Variants in TMEM158 observed in about 807,000 individuals in gnomAD.
TMEM158 encodes transmembrane protein 158, also known as 40 kDa BINP-binding protein.
A neutral mutation model predicts 12.0 loss-of-function variants in TMEM158; 7 were observed. The observed-to-expected ratio is 0.59, with a 90% CI of 0.33 to 1.10. The LOEUF (loss-of-function observed/expected upper bound fraction) is 1.10. TMEM158 is among the 50% of genes least tolerant of loss of function. TMEM158 has a pLI of 0.03. For missense variants in TMEM158, 405 were observed against 454.7 expected, an observed-to-expected ratio of 0.89 and a Z score of 0.99; for synonymous variants, 209 against 231.1, an observed-to-expected ratio of 0.90 and a Z score of 0.87.
In TMEM158 at chr3:45,224,771, T is replaced by C. The variant is rs937187931; in HGVS notation, c.*354A>G. Reference sequence around the variant, plus strand: ...ACTTTCATTTAAAACAGTTATTAAATATATAAAACAAATACACAGGATTTG... The same window carrying C: ...ACTTTCATTTAAAACAGTTATTAAACATATAAAACAAATACACAGGATTTG... On this transcript the variant is annotated 3_prime_UTR_variant, in exon 1 of 1. Transcript: ENST00000503771. 7 of 202,782 alleles carry C rather than the reference T, an allele frequency of 3.5e-5. No individual in the cohort carries two copies. The highest frequency in any genetic ancestry group is 1.6e-4 in the African/African-American group (7 of 43,268). The allele number at this position is 202,782 out of a possible 1,614,324, so 12.6% of individuals were successfully genotyped here.
rs1409742865 is a variant in TMEM158, at chr3:45,224,879, ATT to A, written c.*244_*245del. 5.4e-6 allele frequency: 3 copies of A among 551,634 alleles called. No individual in the cohort carries two copies. The East Asian group carries it at 1.3e-4, about 25-fold the overall frequency. The allele number at this position is 551,634 out of a possible 1,614,324, so 34.2% of individuals were successfully genotyped here. Reference sequence around the variant, plus strand: ...GATGCAATAGAGGGGAAAGGGCCCCATTTCCCTCCTCTCCGTCTTCGGAGCTG... The same window carrying A: ...GATGCAATAGAGGGGAAAGGGCCCCATCCCTCCTCTCCGTCTTCGGAGCTG... On this transcript the variant is annotated 3_prime_UTR_variant, in exon 1 of 1. Coordinates refer to ENST00000503771, the MANE Select transcript of TMEM158 (RefSeq NM_015444.3).
chr3:45,224,613 C>T lies in TMEM158; in HGVS notation c.*512G>A, dbSNP rs564961839. 6.5e-6 allele frequency: 1 copy of T among 152,760 alleles called. No homozygotes were observed. 9.5% of individuals were successfully genotyped at this position (152,760 alleles called of 1,614,324 possible). A position where few individuals can be genotyped will look rare whatever the true frequency, so the allele number is the denominator to read the frequency against. ...ACAATATATCGGTGTTAAATCCTTCCCATGCCCTCCCCCCAATTTTAAATA... is the reference window on the plus strand; with the variant it reads ...ACAATATATCGGTGTTAAATCCTTCTCATGCCCTCCCCCCAATTTTAAATA... On this transcript the variant is annotated 3_prime_UTR_variant, in exon 1 of 1. Coordinates refer to ENST00000503771, the MANE Select transcript of TMEM158 (RefSeq NM_015444.3).
Position 45,225,155 on chromosome 3 carries a change from CGCGGCGGCGGCGGCAGCGGCGGCG to C in TMEM158, c.849_872del (p.Ala285_Ala292del), listed in dbSNP as rs1163593482. 21 of 1,261,880 alleles carry C rather than the reference CGCGGCGGCGGCGGCAGCGGCGGCG, an allele frequency of 1.7e-5. No homozygotes were observed. The highest frequency in any genetic ancestry group is 6.3e-5 in the East Asian group (2 of 31,712). 78.2% of individuals were successfully genotyped at this position (1,261,880 alleles called of 1,614,324 possible). On this transcript the variant is annotated inframe_deletion, in exon 1 of 1. Coordinates refer to ENST00000503771, the MANE Select transcript of TMEM158 (RefSeq NM_015444.3). The surrounding 1 kb of genome is among the most constrained non-coding windows in gnomAD (Gnocchi z 5.7). ...TGGTCGCCACCCCCGAAGTGACGGC[CGCGGCGGCGGCGGCAGCGGCGGCG>C]GCGGCGGCGGCTGCGGTGGTCCCTG...
rs1163593482 is a variant in TMEM158 at position 45,225,155 on chromosome 3, CGCGGCGGCGGCGGCAGCGGCGGCGGCG to C, written c.846_872del (p.Ala284_Ala292del). 12 of 1,261,880 alleles carry C rather than the reference CGCGGCGGCGGCGGCAGCGGCGGCGGCG, an allele frequency of 9.5e-6. No homozygotes were observed. The highest frequency in any genetic ancestry group is 3.8e-5 in the South Asian group (1 of 26,090). The allele number at this position is 1,261,880 out of a possible 1,614,324, so 78.2% of individuals were successfully genotyped here. A position where few individuals can be genotyped will look rare whatever the true frequency, so the allele number is the denominator to read the frequency against. ...TGGTCGCCACCCCCGAAGTGACGGC[CGCGGCGGCGGCGGCAGCGGCGGCGGCG>C]GCGGCGGCTGCGGTGGTCCCTGCGG... is the stretch of plus-strand genomic sequence containing the variant. On this transcript the variant is annotated inframe_deletion, in exon 1 of 1. Transcript: ENST00000503771. The surrounding 1 kb of genome is among the most constrained non-coding windows in gnomAD (Gnocchi z 5.7).
chr3:45,225,081 C>G lies in TMEM158; in HGVS notation c.*44G>C, dbSNP rs1179299100. ...CCGAGTCTCCGGCGGGAAAGGCACC[C>G]GCGCGCGCGGACACAGGACGGACAC... On this transcript the variant is annotated 3_prime_UTR_variant, in exon 1 of 1. Transcript: ENST00000503771. The surrounding 1 kb of genome is among the most constrained non-coding windows in gnomAD (Gnocchi z 5.7). 2 of 1,220,176 alleles carry G rather than the reference C, an allele frequency of 1.6e-6. No individual in the cohort carries two copies. The highest frequency in any genetic ancestry group is 2.0e-6 in the Non-Finnish European group (2 of 979,256). The allele number at this position is 1,220,176 out of a possible 1,614,324, so 75.6% of individuals were successfully genotyped here.
Position 45,224,933 on chromosome 3 carries a change from A to T in TMEM158, c.*192T>A, listed in dbSNP as rs1700138413. The stretch of plus-strand genomic sequence containing the variant: ...GATCCCACCCTCAGTCCAAGGGCTT[A>T]AACATCTGCTTTTCGGAACTGGAAG... On this transcript the variant is annotated 3_prime_UTR_variant, in exon 1 of 1. Coordinates refer to ENST00000503771, the MANE Select transcript of TMEM158 (RefSeq NM_015444.3). The T allele has an allele frequency of 1.0e-6, 1 of 991,144 alleles. No individual in the cohort carries two copies. The highest frequency in any genetic ancestry group is 1.3e-6 in the Non-Finnish European group (1 of 781,168). 61.4% of individuals were successfully genotyped at this position (991,144 alleles called of 1,614,324 possible).
Position 45,225,401 on chromosome 3 carries a change from G to A in TMEM158, c.627C>T (p.Gly209=). ...TACGGTTCAGCCGCCAGCCCGGCTC[G>A]CCCTGCAGCTCCTCCAGGCTGAAGT... is the stretch of plus-strand genomic sequence containing the variant. The part of the protein sequence containing the change: ...CLDFSLEELQ[G]EPGWRLNRKP... The change falls in exon 1 of 1, where the codon GGC becomes GGT. Residue 209 remains glycine, a synonymous_variant. Coordinates refer to ENST00000503771, the MANE Select transcript of TMEM158 (RefSeq NM_015444.3). This position sits in a 1 kb window ranked among gnomAD's most constrained non-coding sequence, Gnocchi z 5.7. 1.4e-6 allele frequency: 2 copies of A among 1,480,242 alleles called. No individual in the cohort carries two copies. The highest frequency in any genetic ancestry group is 1.3e-5 in the South Asian group (1 of 75,632). The allele number at this position is 1,480,242 out of a possible 1,614,324, so 91.7% of individuals were successfully genotyped here. A position where few individuals can be genotyped will look rare whatever the true frequency, so the allele number is the denominator to read the frequency against.
chr3:45,225,230 G>C lies in TMEM158; in HGVS notation c.798C>G (p.Thr266=). 1.5e-6 allele frequency: 2 copies of C among 1,316,870 alleles called. No individual in the cohort carries two copies. The highest frequency in any genetic ancestry group is 2.0e-6 in the Non-Finnish European group (2 of 1,025,178). The allele number at this position is 1,316,870 out of a possible 1,614,324, so 81.6% of individuals were successfully genotyped here. ...MEQRRTTAST[T]AATPAAVPAG... ...CGGGCACTGCGGCGGGGGTGGCTGC[G>C]GTGGTGCTGGCGGTGGTCCGGCGCT... The change falls in exon 1 of 1, where the codon ACC becomes ACG. Residue 266 remains threonine, a synonymous_variant. Transcript: ENST00000503771. The surrounding 1 kb of genome is among the most constrained non-coding windows in gnomAD (Gnocchi z 5.7).
Position 45,225,114 on chromosome 3 carries a change from A to T in TMEM158, c.*11T>A, listed in dbSNP as rs1200232439. ...CGGACACAGGACGGACACAGGGAGG[A>T]GCGGAGCGGGTCACTTGGTCGCCAC... is the stretch of plus-strand genomic sequence containing the variant. On this transcript the variant is annotated 3_prime_UTR_variant, in exon 1 of 1. Transcript: ENST00000503771. The surrounding 1 kb of genome is among the most constrained non-coding windows in gnomAD (Gnocchi z 5.7). The T allele has an allele frequency of 8.0e-7, 1 of 1,251,306 alleles. No individual in the cohort carries two copies. Among genetic ancestry groups the T allele is most frequent in the Non-Finnish European group, 1.0e-6 (1 of 1,003,858 alleles). The allele number at this position is 1,251,306 out of a possible 1,614,324, so 77.5% of individuals were successfully genotyped here.
chr3:45,225,234 G>A lies in TMEM158; in HGVS notation c.794C>T (p.Thr265Ile), dbSNP rs1700145053. Residue 265 changes from threonine (T) to isoleucine (I), a missense_variant, in exon 1 of 1, where the codon ACC becomes ATC. By Grantham distance (89) the Thr-to-Ile change is moderately conservative. Coordinates refer to ENST00000503771, the MANE Select transcript of TMEM158 (RefSeq NM_015444.3). This position sits in a 1 kb window ranked among gnomAD's most constrained non-coding sequence, Gnocchi z 5.7. ...CACTGCGGCGGGGGTGGCTGCGGTG[G>A]TGCTGGCGGTGGTCCGGCGCTGTTC... is the stretch of plus-strand genomic sequence containing the variant. The part of the protein sequence containing the change: ...GMEQRRTTAS[T>I]TAATPAAVPA... The A allele has an allele frequency of 7.5e-7, 1 of 1,328,772 alleles. No homozygotes were observed. The highest frequency in any genetic ancestry group is 2.4e-5 in the South Asian group (1 of 42,096). 82.3% of individuals were successfully genotyped at this position (1,328,772 alleles called of 1,614,324 possible).
At position 45,225,745 on chromosome 3, in the gene TMEM158, C is replaced by A. The variant is rs1348336421; in HGVS notation, c.283G>T (p.Gly95Cys). The A allele has an allele frequency of 1.4e-6, 2 of 1,447,494 alleles. No individual in the cohort carries two copies. The highest frequency in any genetic ancestry group is 1.8e-6 in the Non-Finnish European group (2 of 1,096,174). The allele number at this position is 1,447,494 out of a possible 1,614,324, so 89.7% of individuals were successfully genotyped here. ...SLLVRWGRPR[G>C]FQCDLLLFST... ...AAGAGCAGTAGGTCGCACTGGAAGCCCCGCGGGCGGCCCCAGCGCACGAGC... is the reference window on the plus strand; with the variant it reads ...AAGAGCAGTAGGTCGCACTGGAAGCACCGCGGGCGGCCCCAGCGCACGAGC... The change falls in exon 1 of 1, where the codon GGC (glycine) becomes TGC (cysteine). Residue 95 changes from glycine to cysteine, a missense_variant. Physicochemically the swap from Gly to Cys is radical, Grantham distance 159. Coordinates refer to ENST00000503771, the MANE Select transcript of TMEM158 (RefSeq NM_015444.3). This position sits in a 1 kb window ranked among gnomAD's most constrained non-coding sequence, Gnocchi z 5.7.
chr3:45,225,646 G>A lies in TMEM158; in HGVS notation c.382C>T (p.His128Tyr). 7.0e-7 allele frequency: 1 copy of A among 1,433,120 alleles called. No individual in the cohort carries two copies. The highest frequency in any genetic ancestry group is 9.2e-7 in the Non-Finnish European group (1 of 1,089,516). 88.8% of individuals were successfully genotyped at this position (1,433,120 alleles called of 1,614,324 possible). A position where few individuals can be genotyped will look rare whatever the true frequency, so the allele number is the denominator to read the frequency against. Residue 128 changes from histidine (H) to tyrosine (Y), a missense_variant, in exon 1 of 1, where the codon CAC becomes TAC. Coordinates refer to ENST00000503771, the MANE Select transcript of TMEM158 (RefSeq NM_015444.3). This position sits in a 1 kb window ranked among gnomAD's most constrained non-coding sequence, Gnocchi z 5.7. ...HRVGPPLLIE[H>Y]LGLAAGGAQQ... The stretch of plus-strand genomic sequence containing the variant: ...GCGCCGCCCGCCGCCAGCCCCAGGT[G>A]CTCGATGAGCAGCGGCGGCCCGACG...
chr3:45,225,155 CGCGGCGGCGGCGGCA>C lies in TMEM158; in HGVS notation c.858_872del (p.Ala288_Ala292del), dbSNP rs757666673. 78 of 1,261,880 alleles carry C rather than the reference CGCGGCGGCGGCGGCA, an allele frequency of 6.2e-5. 1 individual carries two copies. The highest frequency in any genetic ancestry group is 1.1e-4 in the South Asian group (3 of 26,090). 78.2% of individuals were successfully genotyped at this position (1,261,880 alleles called of 1,614,324 possible). On this transcript the variant is annotated inframe_deletion, in exon 1 of 1. Coordinates refer to ENST00000503771, the MANE Select transcript of TMEM158 (RefSeq NM_015444.3). The surrounding 1 kb of genome is among the most constrained non-coding windows in gnomAD (Gnocchi z 5.7). ...TGGTCGCCACCCCCGAAGTGACGGC[CGCGGCGGCGGCGGCA>C]GCGGCGGCGGCGGCGGCGGCTGCGG...
chr3:45,225,626 G>T lies in TMEM158; in HGVS notation c.402C>A (p.Gly134=). The change falls in exon 1 of 1, where the codon GGC becomes GGA. Residue 134 remains glycine, a synonymous_variant. Coordinates refer to ENST00000503771, the MANE Select transcript of TMEM158 (RefSeq NM_015444.3). The surrounding 1 kb of genome is among the most constrained non-coding windows in gnomAD (Gnocchi z 5.7). ...AGAGGCGCAGGTCCTGCTGCGCGCCGCCCGCCGCCAGCCCCAGGTGCTCGA... is the reference window on the plus strand; with the variant it reads ...AGAGGCGCAGGTCCTGCTGCGCGCCTCCCGCCGCCAGCCCCAGGTGCTCGA... ...LLIEHLGLAA[G]GAQQDLRLCV... 7.2e-7 allele frequency: 1 copy of T among 1,394,566 alleles called. No individual in the cohort carries two copies. Among genetic ancestry groups the T allele is most frequent in the Admixed American group, 2.7e-5 (1 of 36,386 alleles). The allele number at this position is 1,394,566 out of a possible 1,614,324, so 86.4% of individuals were successfully genotyped here.
chr3:45,225,111 A>G lies in TMEM158; in HGVS notation c.*14T>C. The G allele has an allele frequency of 8.0e-7, 1 of 1,249,520 alleles. No homozygotes were observed. The highest frequency in any genetic ancestry group is 4.3e-5 in the Admixed American group (1 of 23,498). 77.4% of individuals were successfully genotyped at this position (1,249,520 alleles called of 1,614,324 possible). On this transcript the variant is annotated 3_prime_UTR_variant, in exon 1 of 1. Transcript: ENST00000503771. This position sits in a 1 kb window ranked among gnomAD's most constrained non-coding sequence, Gnocchi z 5.7. ...GCGCGGACACAGGACGGACACAGGG[A>G]GGAGCGGAGCGGGTCACTTGGTCGC... is the stretch of plus-strand genomic sequence containing the variant.
chr3:45,225,240 G>C lies in TMEM158; in HGVS notation c.788C>G (p.Ala263Gly). ...GGCGGGGGTGGCTGCGGTGGTGCTG[G>C]CGGTGGTCCGGCGCTGTTCCATGCC... ...PNGMEQRRTT[A>G]STTAATPAAV... Residue 263 changes from alanine to glycine, a missense_variant, in exon 1 of 1, where the codon GCC (alanine) becomes GGC (glycine). Coordinates refer to ENST00000503771, the MANE Select transcript of TMEM158 (RefSeq NM_015444.3). The surrounding 1 kb of genome is among the most constrained non-coding windows in gnomAD (Gnocchi z 5.7). 1 of 1,341,044 alleles carries C rather than the reference G, an allele frequency of 7.5e-7. No individual in the cohort carries two copies. The highest frequency in any genetic ancestry group is 9.7e-7 in the Non-Finnish European group (1 of 1,034,786). 83.1% of individuals were successfully genotyped at this position (1,341,044 alleles called of 1,614,324 possible).
chr3:45,225,797 G>C lies in TMEM158; in HGVS notation c.231C>G (p.Ser77Arg). 7.2e-7 allele frequency: 1 copy of C among 1,393,032 alleles called. No individual in the cohort carries two copies. Among genetic ancestry groups the C allele is most frequent in the Non-Finnish European group, 9.4e-7 (1 of 1,067,804 alleles). 86.3% of individuals were successfully genotyped at this position (1,393,032 alleles called of 1,614,324 possible). ...AAAAAAPCNI[S>R]VQRQMLSSLL... is the part of the protein sequence containing the mutation. The stretch of plus-strand genomic sequence containing the variant: ...GCGAGCTCAGCATCTGCCGCTGCAC[G>C]CTGATGTTGCACGGCGCCGCCGCCG... Residue 77 changes from serine (S) to arginine (R), a missense_variant, in exon 1 of 1, where the codon AGC (serine) becomes AGG (arginine). Ser to Arg is a moderately radical substitution (Grantham distance 110, BLOSUM62 -1). Transcript: ENST00000503771. The surrounding 1 kb of genome is among the most constrained non-coding windows in gnomAD (Gnocchi z 5.7).
At position 45,225,555 on chromosome 3, in the gene TMEM158, CGGAGGCG is replaced by C; in HGVS notation, c.466_472del (p.Arg156GlyfsTer43). The C allele has an allele frequency of 9.6e-7, 1 of 1,043,402 alleles. No individual in the cohort carries two copies. The highest frequency in any genetic ancestry group is 4.4e-5 in the South Asian group (1 of 22,592). 64.6% of individuals were successfully genotyped at this position (1,043,402 alleles called of 1,614,324 possible). The stretch of plus-strand genomic sequence containing the variant: ...GGCGGCGCTGGGGGCGGCGGCGGGC[CGGAGGCG>C]GCCGGTGCGGCGACCGCGCACCCAG... On this transcript the variant is annotated frameshift_variant, in exon 1 of 1. Transcript: ENST00000503771. LOFTEE classifies it high-confidence loss of function. The surrounding 1 kb of genome is among the most constrained non-coding windows in gnomAD (Gnocchi z 5.7).
At position 45,225,664 on chromosome 3, in the gene TMEM158, G is replaced by A. The variant is rs1700150959; in HGVS notation, c.364C>T (p.Pro122Ser). 2 of 1,449,964 alleles carry A rather than the reference G, an allele frequency of 1.4e-6. No individual in the cohort carries two copies. 89.8% of individuals were successfully genotyped at this position (1,449,964 alleles called of 1,614,324 possible). A position where few individuals can be genotyped will look rare whatever the true frequency, so the allele number is the denominator to read the frequency against. The change falls in exon 1 of 1, where the codon CCG becomes TCG. Residue 122 changes from proline (P) to serine (S), a missense_variant. Pro to Ser is a moderately conservative substitution (Grantham distance 74). Transcript: ENST00000503771. This position sits in a 1 kb window ranked among gnomAD's most constrained non-coding sequence, Gnocchi z 5.7. ...CCCAGGTGCTCGATGAGCAGCGGCG[G>A]CCCGACGCGGTGGAAGGCGGCGGCG... ...FFAAAFHRVGPPLLIEHLGLA... is the reference protein window; with the variant it reads ...FFAAAFHRVGSPLLIEHLGLA...
Sources: allele counts gnomAD v4.1 joint callset, GRCh38; gene constraint gnomAD v4.1.1; non-coding constraint Gnocchi (gnomAD v3.1); transcripts MANE v1.5; gene names NCBI Gene and HGNC (gene_info 2026-07-23, HGNC 2026-07-21).